The following IQUB variants were observed in gnomAD, a reference collection of about 807,000 sequenced individuals.
IQUB encodes IQ motif and ubiquitin domain containing, also known as IQ motif and ubiquitin-like domain-containing protein.
Under a neutral mutation model 86.4 loss-of-function variants are expected in IQUB, and 86 were observed. That is an observed-to-expected ratio of 1.00 (90% CI 0.84 to 1.19). The LOEUF (loss-of-function observed/expected upper bound fraction) is 1.19. IQUB is among the 50% of genes most tolerant of loss of function. The pLI, the probability that IQUB is intolerant of heterozygous loss-of-function variation, is 0.00. For synonymous variants in IQUB, 289 were observed against 304.5 expected (o/e 0.95, Z 0.53); for missense variants, 946 against 916.9 (o/e 1.03, Z -0.41).
chr7:123,509,788 A>T (rs1796337072), intron 3 of IQUB, 113 bp downstream of exon 3: 1 of 893,256 alleles, frequency 1.1e-6, no homozygotes, highest in Non-Finnish European at 1.7e-6. Context: ...GCATAACCAC[A>T]ATATAATGTT....
At position 123,512,179 on chromosome 7, in the gene IQUB, C is replaced by G. The variant is rs538267953; in HGVS notation, c.162G>C (p.Glu54Asp). 6 of 1,613,954 alleles carry G rather than the reference C, an allele frequency of 3.7e-6. No individual in the cohort carries two copies. In the African/African-American group the frequency reaches 4.0e-5, roughly 11 times the overall value. The change falls in exon 2 of 13, where the codon GAG becomes GAC. Residue 54 changes from glutamate (E) to aspartate (D), a missense_variant. Physicochemically the swap from Glu to Asp is conservative, Grantham distance 45. Coordinates refer to ENST00000324698, the MANE Select transcript of IQUB (RefSeq NM_178827.5). ...EHESGIEQFS[E>D]SHAIHVEEQS... ...GCTCCTCAACATGTATTGCATGGCT[C>G]TCACTGAATTGTTCTATTCCAGATT...
intron 1 of IQUB, among the ~76,000 whole-genome samples, chr7:123,534,291 A>G (rs1241248420): frequency 6.6e-6 from 1 of 152,186 alleles, no homozygotes; most frequent in East Asian, 1.9e-4. Flanking sequence ...GGAAGCCAAA[A>G]AAGGAGCCGA....
chr7:123,526,521 C>A (rs1216443167), intron 1 of IQUB, among the ~76,000 whole-genome samples: 1 of 151,620 alleles, frequency 6.6e-6, no homozygotes, highest in Non-Finnish European at 1.5e-5. Context: ...GGATTGCAAC[C>A]CCTGCCTTTT....
intron 1 of IQUB, among the ~76,000 whole-genome samples, chr7:123,533,242 A>G (rs1403027399): frequency 2.0e-5 from 3 of 152,208 alleles, no homozygotes; most frequent in Non-Finnish European, 4.4e-5. Context: ...TTATACATCT[A>G]TCTCTGTATA....
chr7:123,476,571 T>G (rs1447481173), intron 8 of IQUB, among the ~76,000 whole-genome samples: 1 of 151,846 alleles, frequency 6.6e-6, no homozygotes, highest in Non-Finnish European at 1.5e-5. Flanking sequence ...TGAGGCCACT[T>G]TGGCAGTGAT....
chr7:123,512,110 T>TTAAC lies in IQUB; in HGVS notation c.230_231insGTTA (p.Met79ThrfsTer19), dbSNP rs1796443394. 6.2e-7 allele frequency: 1 copy of TTAAC among 1,614,048 alleles called. No homozygotes were observed. Among genetic ancestry groups the TTAAC allele is most frequent in the African/African-American group, 1.3e-5 (1 of 75,044 alleles). The stretch of plus-strand genomic sequence containing the variant: ...TTGGTGATATAACCTCTTCCATGAG[T>TTAAC]TGTTCATTGTCTGGTTCCAGGCTTG... On this transcript the variant is annotated frameshift_variant, in exon 2 of 13. Coordinates refer to ENST00000324698, the MANE Select transcript of IQUB (RefSeq NM_178827.5). LOFTEE classifies it high-confidence loss of function.
chr7:123,488,147 C>A (rs1795289355), intron 7 of IQUB, among the ~76,000 whole-genome samples: 1 of 151,572 alleles, frequency 6.6e-6, no homozygotes, highest in Non-Finnish European at 1.5e-5. Context: ...AGATCGAGAC[C>A]ACGGTGAAAC....
chr7:123,512,453 G>T, intron 1 of IQUB, 109 bp from the exon 2 acceptor site: 2 of 572,526 alleles, frequency 3.5e-6, no homozygotes, highest in East Asian at 6.2e-5. Context: ...CTAAAATGTT[G>T]CTCAATTTAA....
intron 12 of IQUB, among the ~76,000 whole-genome samples, chr7:123,455,526 C>CA (rs920330780): frequency 1.2e-4 from 18 of 151,626 alleles, no homozygotes; most frequent in Admixed American, 3.3e-4. Flanking sequence ...TTATTCATGC[C>CA]AAAAAAAACT....
chr7:123,527,522 T>C (rs1797294975), intron 1 of IQUB, among the ~76,000 whole-genome samples: 1 of 152,174 alleles, frequency 6.6e-6, no homozygotes, highest in African/African-American at 2.4e-5. Flanking sequence ...TTTGTTAGTT[T>C]TCCTTCAAAC....
At chr7:123,520,269 T>C (rs1361178447) in intron 1 of IQUB, among the ~76,000 whole-genome samples, 2 of 152,126 alleles carry the variant, frequency 1.3e-5, no homozygotes, top group Non-Finnish European at 2.9e-5. Flanking sequence ...TAGTTTGCAG[T>C]TTTTACTGCA....
chr7:123,530,817 T>A (rs1797501832), intron 1 of IQUB, among the ~76,000 whole-genome samples: 1 of 151,832 alleles, frequency 6.6e-6, no homozygotes, highest in Non-Finnish European at 1.5e-5. Flanking sequence ...GCTCAGATTA[T>A]AGGCACCCCC....
rs543853237 is a variant in IQUB at position 123,527,105 on chromosome 7, A to G, written c.-5+7387T>C. ...GATACCCTTCCTTCCAGTTGATCACATCGGCTCCTGAGGCTTCTGCATTCT... is the reference window on the plus strand; with the variant it reads ...GATACCCTTCCTTCCAGTTGATCACGTCGGCTCCTGAGGCTTCTGCATTCT... On this transcript the variant is annotated intron_variant, in intron 1 of 12. Transcript: ENST00000324698. Among the ~76,000 whole-genome samples the G allele has an allele frequency of 6.6e-5, 10 of 152,216 alleles. No homozygotes were observed. The East Asian group carries it at 1.7e-3, about 27-fold the overall frequency.
intron 1 of IQUB, among the ~76,000 whole-genome samples, chr7:123,534,136 T>G (rs935915237): frequency 6.6e-6 from 1 of 152,110 alleles, no homozygotes; most frequent in Non-Finnish European, 1.5e-5. Context: ...ATGAGAATGG[T>G]GGCCACGGAA....
At position 123,479,801 on chromosome 7, in the gene IQUB, C is replaced by CA. The variant is rs1386200642; in HGVS notation, c.1403dup (p.Leu468PhefsTer3). Reference sequence around the variant, plus strand: ...TAGTAGTCACTTCACTAACCTTATCCAAAAAAGCTTGTATTGCTGCTTCCT... The same window carrying CA: ...TAGTAGTCACTTCACTAACCTTATCCAAAAAAAGCTTGTATTGCTGCTTCCT... On this transcript the variant is annotated frameshift_variant, in exon 8 of 13. Coordinates refer to ENST00000324698, the MANE Select transcript of IQUB (RefSeq NM_178827.5). LOFTEE classifies it high-confidence loss of function. 1.2e-6 allele frequency: 2 copies of CA among 1,610,104 alleles called. No homozygotes were observed. The highest frequency in any genetic ancestry group is 1.7e-5 in the Admixed American group (1 of 59,416).
In IQUB at chr7:123,521,681, C is replaced by CACACACACACACAG. The variant is rs533866528; in HGVS notation, c.-4-9338_-4-9337insCTGTGTGTGTGTGT. 2.5e-3 allele frequency among the ~76,000 whole-genome samples: 381 copies of CACACACACACACAG among 151,102 alleles called. 3 individuals are homozygous for CACACACACACACAG. Among genetic ancestry groups the CACACACACACACAG allele is most frequent in the African/African-American group, 8.5e-3 (347 of 40,968 alleles). The stretch of plus-strand genomic sequence containing the variant: ...ACACACACACACACACACACACACA[C>CACACACACACACAG]AGAGATCACAGTTCTCTGTAACCTG... On this transcript the variant is annotated intron_variant, in intron 1 of 12. Transcript: ENST00000324698.
Position 123,502,869 on chromosome 7 carries a change from A to C in IQUB, c.867+75T>G, listed in dbSNP as rs969525351. The C allele has an allele frequency of 1.8e-5, 26 of 1,425,758 alleles. No individual in the cohort carries two copies. The Admixed American group carries it at 4.9e-4, about 27-fold the overall frequency. 88.3% of individuals were successfully genotyped at this position (1,425,758 alleles called of 1,614,324 possible). A position where few individuals can be genotyped will look rare whatever the true frequency, so the allele number is the denominator to read the frequency against. ...AATTGCCATATAATTACTTAAGAGAAATTTGAGAGAGTCATACAGTACAAT... is the reference window on the plus strand; with the variant it reads ...AATTGCCATATAATTACTTAAGAGACATTTGAGAGAGTCATACAGTACAAT... On this transcript the variant is annotated intron_variant, in intron 5 of 12. Transcript: ENST00000324698.
chr7:123,491,488 C>G (rs541349975), intron 7 of IQUB, among the ~76,000 whole-genome samples: 1 of 152,226 alleles, frequency 6.6e-6, no homozygotes, highest in East Asian at 1.9e-4. Context: ...TTACCAGTAT[C>G]AGTAATTGAG....
At chr7:123,489,701 TC>T (rs1347284979) in intron 7 of IQUB, among the ~76,000 whole-genome samples, 1 of 150,704 alleles carries the variant, frequency 6.6e-6, no homozygotes, top group Non-Finnish European at 1.5e-5. Context: ...GAAGAAACTG[TC>T]CCAAAAGCAG....
Sources: allele counts gnomAD v4.1 joint callset (sites outside exome capture counted in the v4.1 genomes callset), GRCh38; gene constraint gnomAD v4.1.1; transcripts MANE v1.5; gene names NCBI Gene and HGNC (gene_info 2026-07-23, HGNC 2026-07-21).